DCC: variants seen among roughly 807,000 people sequenced by gnomAD.
The protein encoded by DCC is netrin receptor DCC.
In DCC, 58 loss-of-function variants were observed where a neutral mutation model predicts 172.5. The ratio of observed to expected loss-of-function variants is 0.34; its 90% CI spans 0.27 to 0.42. The LOEUF is 0.42. DCC is among the 10% of genes least tolerant of loss of function. DCC has a pLI of 1.00. For missense variants in DCC, 1,740 were observed against 1,791.0 expected (o/e 0.97, Z 0.51); for synonymous variants, 709 against 644.5 (o/e 1.10, Z -1.52).
chr18:53,110,514 C>T (rs560794489), intron 7 of DCC, among the ~76,000 whole-genome samples: 34 of 151,770 alleles, frequency 2.2e-4, no homozygotes, highest in South Asian at 1.5e-3. Flanking sequence ...CCAGCAGAGA[C>T]GTCTAAGTCT....
chr18:52,813,736 TC>T (rs1200623608), intron 2 of DCC, among the ~76,000 whole-genome samples: 1 of 152,182 alleles, frequency 6.6e-6, no homozygotes, highest in African/African-American at 2.4e-5. Context: ...TGGGTGGGCT[TC>T]ATGTAATCAA....
intron 1 of DCC, among the ~76,000 whole-genome samples, chr18:52,587,774 C>T (rs1568242570): frequency 6.6e-6 from 1 of 152,156 alleles, no homozygotes; most frequent in East Asian, 1.9e-4. Flanking sequence ...GCCTGTGTGT[C>T]GTGCAGAACC....
At chr18:53,068,796 TG>T (rs1310486687) in intron 7 of DCC, among the ~76,000 whole-genome samples, 1 of 150,306 alleles carries the variant, frequency 6.7e-6, no homozygotes, top group Non-Finnish European at 1.5e-5. Flanking sequence ...TGTGTGTGTG[TG>T]TATGTGTATG....
chr18:52,549,194 T>A lies in DCC; in HGVS notation c.92-202860T>A, dbSNP rs549929510. On this transcript the variant is annotated intron_variant, in intron 1 of 28. Transcript: ENST00000442544. ...TTGGATTTTGGAGAGAATATATAGA[T>A]AAAAATTAATTCATGCCATGTTATA... is the stretch of plus-strand genomic sequence containing the variant. Among the ~76,000 whole-genome samples the A allele has an allele frequency of 1.2e-4, 19 of 152,204 alleles. No individual in the cohort carries two copies. In the South Asian group the frequency reaches 1.9e-3, roughly 15 times the overall value.
intron 1 of DCC, among the ~76,000 whole-genome samples, chr18:52,710,771 G>A (rs1488010423): frequency 1.3e-5 from 2 of 152,228 alleles, no homozygotes; most frequent in Non-Finnish European, 2.9e-5. Context: ...GGATGGCTCA[G>A]GTTAATAGAG....
chr18:53,439,909 C>A (rs921049647), intron 22 of DCC, among the ~76,000 whole-genome samples: 1 of 149,694 alleles, frequency 6.7e-6, no homozygotes, highest in African/African-American at 2.4e-5. Flanking sequence ...GGACTACAGG[C>A]GCCCGCCACT....
Position 53,428,439 on chromosome 18 carries a change from ATATAT to A in DCC, c.3164-6696_3164-6692del, listed in dbSNP as rs1470314365. 1.4e-4 allele frequency among the ~76,000 whole-genome samples: 9 copies of A among 63,176 alleles called. 1 individual carries two copies. The highest frequency in any genetic ancestry group is 4.7e-4 in the South Asian group (1 of 2,146). The allele number at this position is 63,176 out of a possible 152,430, so 41.4% of individuals were successfully genotyped here. A position where few individuals can be genotyped will look rare whatever the true frequency, so the allele number is the denominator to read the frequency against. On this transcript the variant is annotated intron_variant, in intron 21 of 28. Coordinates refer to ENST00000442544, the MANE Select transcript of DCC (RefSeq NM_005215.4). The stretch of plus-strand genomic sequence containing the variant: ...TATAATATAATATATTACATATATA[ATATAT>A]TATATTATTTTATATATATTATATA...
intron 2 of DCC, among the ~76,000 whole-genome samples, chr18:52,884,651 T>C (rs192024414): frequency 6.6e-6 from 1 of 152,332 alleles, no homozygotes; most frequent in Admixed American, 6.5e-5. Flanking sequence ...TTTTGAATTC[T>C]CTGTCTGAAA....
chr18:52,379,103 C>A (rs183861019), intron 1 of DCC, among the ~76,000 whole-genome samples: 2 of 152,294 alleles, frequency 1.3e-5, no homozygotes, highest in Admixed American at 6.5e-5. Context: ...AAACCTCTCT[C>A]AGGTGCCACG....
At chr18:53,250,981 T>C (rs1211805405) in intron 12 of DCC, among the ~76,000 whole-genome samples, 4 of 151,954 alleles carry the variant, frequency 2.6e-5, no homozygotes, top group Admixed American at 2.0e-4. Flanking sequence ...TACCATTCCC[T>C]TTTCCTGGAA....
intron 2 of DCC, among the ~76,000 whole-genome samples, chr18:52,894,789 G>C (rs572198926): frequency 6.6e-6 from 1 of 152,080 alleles, no homozygotes; most frequent in Non-Finnish European, 1.5e-5. Context: ...CTTTTATTCT[G>C]CTTCTTGTTC....
At chr18:53,397,805 A>G (rs1168464620) in intron 18 of DCC, among the ~76,000 whole-genome samples, 1 of 152,112 alleles carries the variant, frequency 6.6e-6, no homozygotes, top group Non-Finnish European at 1.5e-5. Flanking sequence ...CATGGTAGGT[A>G]TTTCTCATTT....
At chr18:52,478,884 C>T (rs1450595940) in intron 1 of DCC, among the ~76,000 whole-genome samples, 1 of 152,140 alleles carries the variant, frequency 6.6e-6, no homozygotes. Context: ...TACCATTCAA[C>T]ATGAGATTTG....
intron 8 of DCC, among the ~76,000 whole-genome samples, chr18:53,160,882 T>C (rs1311956076): frequency 1.3e-5 from 2 of 152,192 alleles, no homozygotes; most frequent in Admixed American, 1.3e-4. Context: ...ATAATCTGTC[T>C]TTCCTCAAAT....
At chr18:53,501,790 C>A (rs1391496786) in intron 27 of DCC, among the ~76,000 whole-genome samples, 1 of 152,138 alleles carries the variant, frequency 6.6e-6, no homozygotes, top group Non-Finnish European at 1.5e-5. Context: ...GGAAGTCAAC[C>A]TATGCTCTGA....
At chr18:52,874,266 C>G (rs940372294) in intron 2 of DCC, among the ~76,000 whole-genome samples, 18 of 152,064 alleles carry the variant, frequency 1.2e-4, no homozygotes, top group Non-Finnish European at 2.5e-4. Flanking sequence ...CTTTTAATGA[C>G]AGACAAAGAA....
At chr18:53,188,129 A>T (rs1332841782) in intron 9 of DCC, among the ~76,000 whole-genome samples, 1 of 152,204 alleles carries the variant, frequency 6.6e-6, no homozygotes. Context: ...GCCCTGAAAC[A>T]TAATTTTAAA....
rs537495984 is a variant in DCC at position 53,123,904 on chromosome 18, C to T, written c.1262-33452C>T. On this transcript the variant is annotated intron_variant, in intron 7 of 28. Transcript: ENST00000442544. ...TCCTGAGTAATCATTTTTCTCATTG[C>T]TTTCTTTACTTTCTGGATGATGGAA... is the stretch of plus-strand genomic sequence containing the variant. Among the ~76,000 whole-genome samples the T allele has an allele frequency of 5.9e-5, 9 of 152,064 alleles. No homozygotes were observed. In the East Asian group the frequency reaches 1.4e-3, roughly 23 times the overall value.
chr18:53,392,541 C>T (rs1908618733), intron 17 of DCC, among the ~76,000 whole-genome samples: 1 of 152,088 alleles, frequency 6.6e-6, no homozygotes, highest in Non-Finnish European at 1.5e-5. Flanking sequence ...CAGTCATTAC[C>T]AGTTTCAAAT....
Sources: allele counts gnomAD v4.1 joint callset (sites outside exome capture counted in the v4.1 genomes callset), GRCh38; gene constraint gnomAD v4.1.1; transcripts MANE v1.5; gene names NCBI Gene and HGNC (gene_info 2026-07-23, HGNC 2026-07-21).